Variants in MAN2B2 observed in about 807,000 individuals in gnomAD.
MAN2B2 encodes epididymis-specific alpha-mannosidase.
MAN2B2 carries 106 observed loss-of-function variants against 117.1 expected under a neutral mutation model. The observed-to-expected ratio is 0.90, with a 90% CI of 0.77 to 1.06. MAN2B2 has a LOEUF of 1.06. Ranked by LOEUF, MAN2B2 falls within the 50% of genes least tolerant of loss-of-function variation. The pLI is 0.00. For missense variants in MAN2B2, 1,326 were observed against 1,381.4 expected, an observed-to-expected ratio of 0.96 and a Z score of 0.64; for synonymous variants, 544 against 595.1, an observed-to-expected ratio of 0.91 and a Z score of 1.25.
rs754905761 is a variant in MAN2B2, at chr4:6,576,700, C to G, written c.261C>G (p.Val87=). The G allele has an allele frequency of 1.9e-6, 3 of 1,613,788 alleles. No individual in the cohort carries two copies. Among genetic ancestry groups the G allele is most frequent in the Non-Finnish European group, 2.5e-6 (3 of 1,179,968 alleles). The change falls in exon 2 of 19, where the codon GTC becomes GTG. Residue 87 remains valine (V), a synonymous_variant. Coordinates refer to ENST00000285599, the MANE Select transcript of MAN2B2 (RefSeq NM_015274.3). ...QEFFRLWWDG[V]ASDQQKYQVR... ...TTTTCCGGCTGTGGTGGGATGGCGT[C>G]GCCTCGGACCAGCAGAAATACCAGG...
chr4:6,586,960 C>T, intron 3 of MAN2B2, 36 bp from the exon 4 acceptor site: 1 of 1,592,616 alleles, frequency 6.3e-7, no homozygotes, highest in South Asian at 1.1e-5. Flanking sequence ...ACAGGCCCGC[C>T]CTCCAGGCAC....
chr4:6,588,992 A>C, intron 4 of MAN2B2, 53 bp from the exon 5 acceptor site: 4 of 1,370,154 alleles, frequency 2.9e-6, no homozygotes, highest in Non-Finnish European at 4.2e-6. Flanking sequence ...AGGGAAGTGG[A>C]GCTGGGGCAG....
At chr4:6,607,298 T>C (rs775867829) in intron 11 of MAN2B2, among the ~76,000 whole-genome samples, 3 of 152,108 alleles carry the variant, frequency 2.0e-5, no homozygotes, top group Admixed American at 2.0e-4. Flanking sequence ...CAACCTCCTC[T>C]GGGGCTCAAG....
rs779651941 is a variant in MAN2B2 at position 6,605,331 on chromosome 4, T to TAAG, written c.1814+3_1814+5dup. Reference sequence around the variant, plus strand: ...CCTGATGCACAGCATCTGGGAGAGGTAAGGTGCAGCCATTGCTGTCTCTGA... The same window carrying TAAG: ...CCTGATGCACAGCATCTGGGAGAGGTAAGAAGGTGCAGCCATTGCTGTCTCTGA... On this transcript the variant is annotated splice_region_variant and intron_variant, in intron 11 of 18. Transcript: ENST00000285599. The TAAG allele has an allele frequency of 1.6e-5, 26 of 1,604,338 alleles. No individual in the cohort carries two copies. Among genetic ancestry groups the TAAG allele is most frequent in the Non-Finnish European group, 2.2e-5 (26 of 1,172,936 alleles).
rs567093867 is a variant in MAN2B2, at chr4:6,609,691, G to A, written c.2007-107G>A. ...GGCCCAAGAAGGCTCCCTGCCTTTC[G>A]GCGTACCCTGCCCTGCCCACCCTGC... is the stretch of plus-strand genomic sequence containing the variant. On this transcript the variant is annotated intron_variant, in intron 12 of 18. Transcript: ENST00000285599. 67 of 1,326,162 alleles carry A rather than the reference G, an allele frequency of 5.1e-5. No homozygotes were observed. The East Asian group carries it at 1.2e-3, about 23-fold the overall frequency. The allele number at this position is 1,326,162 out of a possible 1,614,324, so 82.1% of individuals were successfully genotyped here.
intron 12 of MAN2B2, 200 bp downstream of exon 12, chr4:6,609,498 C>T: frequency 1.6e-6 from 1 of 644,202 alleles, no homozygotes; most frequent in Non-Finnish European, 2.6e-6. Context: ...TGGTTGGGAG[C>T]TAAGTTCAGA....
intron 4 of MAN2B2, among the ~76,000 whole-genome samples, chr4:6,588,448 C>T (rs1475377288): frequency 1.3e-5 from 2 of 152,196 alleles, no homozygotes; most frequent in African/African-American, 2.4e-5. Context: ...CCAGTGGGCA[C>T]AGTGGCTCAC....
chr4:6,611,074 G>A lies in MAN2B2; in HGVS notation c.2371-12G>A, dbSNP rs1388638653. ...GTGCAAGCCGGGCCTCTCGGACAAT[G>A]CCTTCCCGCAGGTCATGCTCCACCG... On this transcript the variant is annotated splice_polypyrimidine_tract_variant and intron_variant, in intron 14 of 18. Transcript: ENST00000285599. 6.2e-7 allele frequency: 1 copy of A among 1,612,242 alleles called. No individual in the cohort carries two copies.
At chr4:6,583,106 G>A (rs964128191) in intron 3 of MAN2B2, among the ~76,000 whole-genome samples, 4 of 152,196 alleles carry the variant, frequency 2.6e-5, no homozygotes, top group Non-Finnish European at 5.9e-5. Context: ...CTGAGTTGCA[G>A]TCTAGACTGG....
intron 6 of MAN2B2, among the ~76,000 whole-genome samples, chr4:6,594,166 G>A (rs1726973777): frequency 6.6e-6 from 1 of 152,130 alleles, no homozygotes; most frequent in Non-Finnish European, 1.5e-5. Flanking sequence ...CCCAGGGCCG[G>A]GCGCTGTGGC....
chr4:6,590,726 C>T (rs555595071), intron 5 of MAN2B2, among the ~76,000 whole-genome samples: 123 of 152,320 alleles, frequency 8.1e-4, no homozygotes, highest in Admixed American at 2.1e-3. Flanking sequence ...GGAAGGCCCC[C>T]GGACATGGGT....
chr4:6,589,214 CCCCTG>C, intron 5 of MAN2B2, 54 bp downstream of exon 5: 4 of 1,315,540 alleles, frequency 3.0e-6, no homozygotes, highest in Non-Finnish European at 4.4e-6. Context: ...GTCTGCCCAG[CCCCTG>C]CAGCTGTTCT....
chr4:6,611,878 A>G (rs7654633), intron 15 of MAN2B2, among the ~76,000 whole-genome samples: 39,657 of 152,122 alleles, frequency 0.26, 6,021 homozygotes, highest in African/African-American at 0.42. Flanking sequence ...AGTCTAACCT[A>G]AAGGACTTAT....
At chr4:6,586,315 C>G (rs544879601) in intron 3 of MAN2B2, among the ~76,000 whole-genome samples, 179 of 152,310 alleles carry the variant, frequency 1.2e-3, no homozygotes, top group Middle Eastern at 0.01. Flanking sequence ...CCCACCTCAG[C>G]CTCCCAAAGT....
chr4:6,579,051 T>TCACCACCACCATCACCATCACCAC (rs1726198356), intron 3 of MAN2B2, among the ~76,000 whole-genome samples: 4 of 34,152 alleles, frequency 1.2e-4, no homozygotes, highest in African/African-American at 3.9e-4. Flanking sequence ...ATCACCACCA[T>TCACCACCACCATCACCATCACCAC]CACCACCACC....
chr4:6,589,883 C>T (rs368419604), intron 5 of MAN2B2, among the ~76,000 whole-genome samples: 63 of 151,790 alleles, frequency 4.2e-4, no homozygotes, highest in African/African-American at 1.4e-3. Context: ...AGTTCAAAAC[C>T]AGCCTGGGCT....
intron 2 of MAN2B2, among the ~76,000 whole-genome samples, chr4:6,578,094 G>A (rs1355134700): frequency 6.6e-6 from 1 of 152,114 alleles, no homozygotes; most frequent in Non-Finnish European, 1.5e-5. Flanking sequence ...GAAAGGATAT[G>A]GGAGCTCTTT....
At position 6,587,180 on chromosome 4, in the gene MAN2B2, G is replaced by C. The variant is rs113742942; in HGVS notation, c.564+12G>C. 124 of 1,606,916 alleles carry C rather than the reference G, an allele frequency of 7.7e-5. 2 individuals carry two copies. In the African/African-American group the frequency reaches 1.1e-3, roughly 15 times the overall value. On this transcript the variant is annotated intron_variant, in intron 4 of 18. Transcript: ENST00000285599. ...TGCAGGAGGCCCGGGTGAGTGGTGT[G>C]CCGCGTCTGCTGCCGCCCAGCGACC...
chr4:6,619,631 C>T (rs927667382), intron 17 of MAN2B2: 17 of 327,100 alleles, frequency 5.2e-5, no homozygotes, highest in Admixed American at 9.1e-5. Flanking sequence ...AGGAGAACTC[C>T]GCGGTGGGGT....
Sources: allele counts gnomAD v4.1 joint callset (sites outside exome capture counted in the v4.1 genomes callset), GRCh38; gene constraint gnomAD v4.1.1; transcripts MANE v1.5; gene names NCBI Gene and HGNC (gene_info 2026-07-23, HGNC 2026-07-21).